Variants in HDGF observed in about 807,000 individuals in gnomAD.
HDGF encodes the protein heparin binding growth factor, also known as hepatoma-derived growth factor.
Under a neutral mutation model 30.0 loss-of-function variants are expected in HDGF, and 5 were observed. The observed-to-expected ratio is 0.17, with a 90% CI of 0.09 to 0.35. HDGF has a LOEUF of 0.35. HDGF is among the 10% of genes least tolerant of loss of function. HDGF has a pLI of 1.00. For missense variants in HDGF, 214 were observed against 302.8 expected, an observed-to-expected ratio of 0.71 and a Z score of 2.18; for synonymous variants, 133 against 112.7, an observed-to-expected ratio of 1.18 and a Z score of -1.14.
intron 1 of HDGF, among the ~76,000 whole-genome samples, chr1:156,763,139 C>CA (rs1481955971): frequency 2.0e-5 from 3 of 151,684 alleles, no homozygotes; most frequent in African/African-American, 4.8e-5. Context: ...AATGCCTTTA[C>CA]AAAAAAATCT....
chr1:156,755,702 C>T (rs1328068742), upstream of HDGF: 1 of 152,202 alleles, frequency 6.6e-6, no homozygotes, highest in East Asian at 1.9e-4. Context: ...TAGATTAGAC[C>T]AGTGGCTTTG....
intron 1 of HDGF, among the ~76,000 whole-genome samples, chr1:156,765,441 T>TTTCTTTCC (rs1446549972): frequency 8.5e-6 from 1 of 117,140 alleles, no homozygotes; most frequent in African/African-American, 3.1e-5. Context: ...CTTTCTTTCC[T>TTTCTTTCC]TTCTTTCCTT....
rs73002713 is a variant in HDGF at position 156,742,981 on chromosome 1, G to A, written c.*468C>T. On this transcript the variant is annotated 3_prime_UTR_variant, in exon 6 of 6. Transcript: ENST00000357325. ...CAGAAGGAGGCCGCCCTCCTGTGCT[G>A]CCCCCACCCCGCATTTGAGGATTGC... 0.025 allele frequency: 3,934 copies of A among 157,224 alleles called. 58 individuals are homozygous for A. Among genetic ancestry groups the A allele is most frequent in the African/African-American group, 0.046 (1,912 of 41,672 alleles). 9.7% of individuals were successfully genotyped at this position (157,224 alleles called of 1,614,324 possible).
intron 3 of HDGF, 51 bp from the exon 4 acceptor site, chr1:156,744,399 G>A: frequency 6.2e-7 from 1 of 1,603,664 alleles, no homozygotes. Context: ...GCCATGCTGG[G>A]CCCCCTCCCC....
At chr1:156,763,596 T>G (rs1247697547) in intron 1 of HDGF, among the ~76,000 whole-genome samples, 1 of 151,664 alleles carries the variant, frequency 6.6e-6, no homozygotes, top group African/African-American at 2.4e-5. Context: ...TTCTTTTTTT[T>G]TTTTTTTGAG....
upstream of HDGF, chr1:156,752,557 C>T (rs1651047522): frequency 3.3e-6 from 2 of 603,614 alleles, no homozygotes. Flanking sequence ...TCTGGGAAGG[C>T]TTCACAAAGG....
chr1:156,755,620 G>A (rs1363969627), upstream of HDGF: 2 of 152,210 alleles, frequency 1.3e-5, no homozygotes, highest in Non-Finnish European at 2.9e-5. Flanking sequence ...CCTCAACACT[G>A]TGTGACCTAC....
intron 1 of HDGF, among the ~76,000 whole-genome samples, chr1:156,746,230 G>A (rs1650534311): frequency 6.6e-6 from 1 of 152,198 alleles, no homozygotes; most frequent in African/African-American, 2.4e-5. Flanking sequence ...TAACATCTAT[G>A]TGCACTATCT....
upstream of HDGF, among the ~76,000 whole-genome samples, chr1:156,757,083 G>A (rs1319676347): frequency 2.0e-5 from 3 of 151,634 alleles, no homozygotes; most frequent in South Asian, 2.1e-4. Context: ...ATGAGCCACC[G>A]TGCCCAGCTT....
Position 156,751,624 on chromosome 1 carries a change from G to A in HDGF, c.-195C>T, listed in dbSNP as rs1010584200. On this transcript the variant is annotated 5_prime_UTR_variant, in exon 1 of 6. Coordinates refer to ENST00000357325, the MANE Select transcript of HDGF (RefSeq NM_004494.3). The surrounding 1 kb of genome is among the most constrained non-coding windows in gnomAD (Gnocchi z 4.7). ...CGCACGGACGGGGCGGGCGCGGATC[G>A]GGGCAAGGCTCCGGCGCGGTGGGTG... 18 of 985,914 alleles carry A rather than the reference G, an allele frequency of 1.8e-5. No individual in the cohort carries two copies. Among genetic ancestry groups the A allele is most frequent in the Non-Finnish European group, 2.0e-5 (17 of 831,058 alleles). The allele number at this position is 985,914 out of a possible 1,614,324, so 61.1% of individuals were successfully genotyped here.
intron 3 of HDGF, 135 bp from the exon 4 acceptor site, chr1:156,744,483 G>A (rs775552884): frequency 2.1e-5 from 30 of 1,455,018 alleles, no homozygotes; most frequent in African/African-American, 1.0e-4. Context: ...CCAGTCTCAC[G>A]AGTGATTTGA....
At chr1:156,752,522 C>T, upstream of HDGF, 9 of 651,216 alleles carry the variant, frequency 1.4e-5, no homozygotes, top group Non-Finnish European at 2.4e-5. Flanking sequence ...CAGGTGCTAC[C>T]TCTTTTCGGA....
chr1:156,748,346 C>T (rs575461767), intron 1 of HDGF, among the ~76,000 whole-genome samples: 1 of 152,172 alleles, frequency 6.6e-6, no homozygotes, highest in Admixed American at 6.5e-5. Flanking sequence ...CTCAGGGCAG[C>T]CCTGTACCCC....
intron 1 of HDGF, among the ~76,000 whole-genome samples, chr1:156,764,217 T>C (rs1651309123): frequency 6.8e-6 from 1 of 146,402 alleles, no homozygotes; most frequent in Non-Finnish European, 1.5e-5. Context: ...CGTACATAGT[T>C]AAAAATTTCT....
chr1:156,744,591 T>C, intron 3 of HDGF: 1 of 1,488,046 alleles, frequency 6.7e-7, no homozygotes, highest in Non-Finnish European at 8.9e-7. Context: ...AGGCAAAACC[T>C]CGGGTCAACT....
Position 156,751,234 on chromosome 1 carries a change from G to T in HDGF, c.87+109C>A. ...CAGAGAAAGAGCCGGAGACCTACAA[G>T]CCCCCTGCCCCCACCTCTGCCCGCT... On this transcript the variant is annotated intron_variant, in intron 1 of 5. Transcript: ENST00000357325. The surrounding 1 kb of genome is among the most constrained non-coding windows in gnomAD (Gnocchi z 4.7). 2 of 1,309,400 alleles carry T rather than the reference G, an allele frequency of 1.5e-6. No homozygotes were observed. Among genetic ancestry groups the T allele is most frequent in the Non-Finnish European group, 2.0e-6 (2 of 1,005,458 alleles). The allele number at this position is 1,309,400 out of a possible 1,614,324, so 81.1% of individuals were successfully genotyped here. A position where few individuals can be genotyped will look rare whatever the true frequency, so the allele number is the denominator to read the frequency against.
chr1:156,745,260 G>A (rs1316156254), intron 2 of HDGF, 37 bp downstream of exon 2: 5 of 1,610,802 alleles, frequency 3.1e-6, no homozygotes, highest in Admixed American at 1.7e-5. Context: ...GTCCTCCCGG[G>A]GCCCTCCCGA....
chr1:156,744,455 C>G (rs1301800602), intron 3 of HDGF, 107 bp from the exon 4 acceptor site: 2 of 1,578,914 alleles, frequency 1.3e-6, no homozygotes, highest in Middle Eastern at 1.7e-4. Context: ...CGCCTCTCCC[C>G]CACCCCCACC....
chr1:156,748,565 C>T (rs1373818841), intron 1 of HDGF, among the ~76,000 whole-genome samples: 6 of 152,160 alleles, frequency 3.9e-5, no homozygotes, highest in South Asian at 2.1e-4. Flanking sequence ...TGCATTTGCC[C>T]GATTCCATCA....
Sources: allele counts gnomAD v4.1 joint callset (sites outside exome capture counted in the v4.1 genomes callset), GRCh38; gene constraint gnomAD v4.1.1; non-coding constraint Gnocchi (gnomAD v3.1); transcripts MANE v1.5; gene names NCBI Gene and HGNC (gene_info 2026-07-23, HGNC 2026-07-21).